The following NKAIN1 variants were observed in gnomAD, a reference collection of about 807,000 sequenced individuals.
NKAIN1 encodes sodium/potassium-transporting ATPase subunit beta-1-interacting protein 1.
In NKAIN1, 13 loss-of-function variants were observed where a neutral mutation model predicts 31.6. The observed-to-expected ratio is 0.41, with a 90% CI of 0.27 to 0.65. The LOEUF is 0.65. Ranked by LOEUF, NKAIN1 falls within the 30% of genes least tolerant of loss-of-function variation. The pLI, the probability that NKAIN1 is intolerant of heterozygous loss-of-function variation, is 0.30. For synonymous variants in NKAIN1, 104 were observed against 109.0 expected (o/e 0.95, Z 0.28); for missense variants, 193 against 262.2 (o/e 0.74, Z 1.82).
At chr1:31,232,088 C>G (rs61779381) in intron 1 of NKAIN1, among the ~76,000 whole-genome samples, 1 of 49,142 alleles carries the variant, frequency 2.0e-5, no homozygotes, top group African/African-American at 1.0e-4. Context: ...TAAGTTTTTA[C>G]CTTTTTGTTT....
Position 31,224,927 on chromosome 1 carries a change from G to A in NKAIN1, c.54+14567C>T, listed in dbSNP as rs149304989. Among the ~76,000 whole-genome samples, 673 of 152,266 alleles carry A rather than the reference G, an allele frequency of 4.4e-3. 2 individuals carry two copies. Among genetic ancestry groups the A allele is most frequent in the Non-Finnish European group, 8.0e-3 (546 of 68,026 alleles). On this transcript the variant is annotated intron_variant, in intron 1 of 6. Transcript: ENST00000373736. The stretch of plus-strand genomic sequence containing the variant: ...CTAACAAGGGTAGAGTTGAGAGTGG[G>A]ACCCAAAGCCAGCGGACACTGCACA...
At chr1:31,198,446 G>A (rs911348564) in intron 1 of NKAIN1, among the ~76,000 whole-genome samples, 11 of 152,040 alleles carry the variant, frequency 7.2e-5, no homozygotes, top group Admixed American at 2.0e-4. Flanking sequence ...GTGTCCAGCC[G>A]CTTGAGCTAG....
At chr1:31,191,516 T>C (rs183039561) in intron 1 of NKAIN1, among the ~76,000 whole-genome samples, 343 of 152,140 alleles carry the variant, frequency 2.3e-3, no homozygotes, top group Non-Finnish European at 3.0e-3. Flanking sequence ...TCTGAATCTA[T>C]TTCTTCAACT....
At chr1:31,183,373 AC>A (rs2124161504) in intron 4 of NKAIN1, among the ~76,000 whole-genome samples, 1 of 149,550 alleles carries the variant, frequency 6.7e-6, no homozygotes, top group South Asian at 2.1e-4. Context: ...GGAAGACGGT[AC>A]AGGATATGGA....
chr1:31,227,271 C>T (rs1330261995), intron 1 of NKAIN1, among the ~76,000 whole-genome samples: 2 of 152,164 alleles, frequency 1.3e-5, no homozygotes, highest in African/African-American at 4.8e-5. Context: ...CCTCAGAGTC[C>T]TCATCTAGGA....
In NKAIN1 at chr1:31,185,233, G is replaced by A. The variant is rs1195763479; in HGVS notation, c.273+14C>T. 2 of 1,601,500 alleles carry A rather than the reference G, an allele frequency of 1.2e-6. No individual in the cohort carries two copies. Among genetic ancestry groups the A allele is most frequent in the African/African-American group, 1.3e-5 (1 of 74,844 alleles). On this transcript the variant is annotated intron_variant, in intron 3 of 6. Transcript: ENST00000373736. The stretch of plus-strand genomic sequence containing the variant: ...CAGGCTCTGCCCTATGGCACTGCCA[G>A]GTCTGAGGCTTACCTGGGACAGCTG...
intron 1 of NKAIN1, among the ~76,000 whole-genome samples, chr1:31,210,668 G>A (rs566152805): frequency 2.0e-5 from 3 of 152,286 alleles, no homozygotes; most frequent in Admixed American, 6.5e-5. Flanking sequence ...AGCTGAGCCC[G>A]TTTCCTCATC....
rs112561223 is a variant in NKAIN1 at position 31,191,332 on chromosome 1, C to T, written c.55-3145G>A. Among the ~76,000 whole-genome samples, 643 of 149,830 alleles carry T rather than the reference C, an allele frequency of 4.3e-3. 3 individuals are homozygous for T. The highest frequency in any genetic ancestry group is 6.4e-3 in the Non-Finnish European group (433 of 67,638). ...TCCACCTAAGAGGTGATATCATCTC[C>T]AGCCAAAGTGGTACCCACTCAAACC... On this transcript the variant is annotated intron_variant, in intron 1 of 6. Coordinates refer to ENST00000373736, the MANE Select transcript of NKAIN1 (RefSeq NM_024522.3).
At chr1:31,224,536 G>A (rs1335598877) in intron 1 of NKAIN1, among the ~76,000 whole-genome samples, 1 of 152,222 alleles carries the variant, frequency 6.6e-6, no homozygotes. Context: ...CTGTAAGCTG[G>A]GGACCAGCTA....
intron 1 of NKAIN1, among the ~76,000 whole-genome samples, chr1:31,205,377 C>T (rs1437452917): frequency 1.3e-5 from 2 of 152,030 alleles, no homozygotes; most frequent in Non-Finnish European, 2.9e-5. Context: ...GTCACAATCT[C>T]GGCTTACCAC....
Position 31,181,322 on chromosome 1 carries a change from G to C in NKAIN1, c.*381C>G, listed in dbSNP as rs1227203614. 3 of 214,540 alleles carry C rather than the reference G, an allele frequency of 1.4e-5. No individual in the cohort carries two copies. Among genetic ancestry groups the C allele is most frequent in the Non-Finnish European group, 2.7e-5 (3 of 109,398 alleles). The allele number at this position is 214,540 out of a possible 1,614,324, so 13.3% of individuals were successfully genotyped here. On this transcript the variant is annotated 3_prime_UTR_variant, in exon 7 of 7. Coordinates refer to ENST00000373736, the MANE Select transcript of NKAIN1 (RefSeq NM_024522.3). The stretch of plus-strand genomic sequence containing the variant: ...TGAGTGAGTGTGGTGGGATGGGATG[G>C]GTCTGATGTCCTGCTGTTTTTGGAC...
chr1:31,192,706 A>G (rs1570453970), intron 1 of NKAIN1, among the ~76,000 whole-genome samples: 1 of 151,926 alleles, frequency 6.6e-6, no homozygotes, highest in African/African-American at 2.4e-5. Flanking sequence ...GCATCCCACC[A>G]TGCCCAGTGG....
chr1:31,230,126 G>A (rs1044926194), intron 1 of NKAIN1, among the ~76,000 whole-genome samples: 11 of 152,166 alleles, frequency 7.2e-5, no homozygotes, highest in Non-Finnish European at 1.5e-4. Context: ...CATTGAGAAA[G>A]GGGAGTCATC....
intron 1 of NKAIN1, among the ~76,000 whole-genome samples, chr1:31,196,512 C>CAAAAAAAA: frequency 9.9e-5 from 9 of 91,322 alleles, no homozygotes; most frequent in Admixed American, 1.5e-4. Context: ...GACTCCTACT[C>CAAAAAAAA]AAAAAAAAAA....
chr1:31,185,700 G>A (rs1645236584), intron 2 of NKAIN1, among the ~76,000 whole-genome samples: 1 of 152,110 alleles, frequency 6.6e-6, no homozygotes, highest in Non-Finnish European at 1.5e-5. Flanking sequence ...ATCATTCAAG[G>A]ATGTTTGTCA....
intron 5 of NKAIN1, 116 bp from the exon 6 acceptor site, chr1:31,182,057 G>T: frequency 9.7e-7 from 1 of 1,027,394 alleles, no homozygotes; most frequent in Non-Finnish European, 1.5e-6. Context: ...AGCGGAGCCA[G>T]AGAAGCCATG....
chr1:31,209,172 C>A (rs377191577), intron 1 of NKAIN1, among the ~76,000 whole-genome samples: 1 of 152,266 alleles, frequency 6.6e-6, no homozygotes, highest in South Asian at 2.1e-4. Flanking sequence ...GTCAGGAGAT[C>A]GTGACCAGCC....
At chr1:31,238,135 G>A (rs1469846565) in intron 1 of NKAIN1, among the ~76,000 whole-genome samples, 3 of 152,200 alleles carry the variant, frequency 2.0e-5, no homozygotes, top group African/African-American at 7.2e-5. Context: ...CCACAGCTGG[G>A]AGCAGGGCTA....
rs761905513 is a variant in NKAIN1 at position 31,185,265 on chromosome 1, C to T, written c.255G>A (p.Glu85=). The T allele has an allele frequency of 1.9e-6, 3 of 1,609,688 alleles. No individual in the cohort carries two copies. The Admixed American group carries it at 5.0e-5, about 27-fold the overall frequency. The change falls in exon 3 of 7, where the codon GAG becomes GAA. Residue 85 remains glutamate (E), a synonymous_variant. Transcript: ENST00000373736. ...GGCTTACCTGGGACAGCTGTCCAACCTCCAAGTAGAAGCAGATGATAAATG... is the reference window on the plus strand; with the variant it reads ...GGCTTACCTGGGACAGCTGTCCAACTTCCAAGTAGAAGCAGATGATAAATG... ...WNAFIICFYL[E]VGQLSQDRDF...
Sources: allele counts gnomAD v4.1 joint callset (sites outside exome capture counted in the v4.1 genomes callset), GRCh38; gene constraint gnomAD v4.1.1; transcripts MANE v1.5; gene names NCBI Gene and HGNC (gene_info 2026-07-23, HGNC 2026-07-21).